WASHC4: variants seen among roughly 807,000 people sequenced by gnomAD.
WASHC4 encodes WASH complex subunit 7.
Under a neutral mutation model 166.6 loss-of-function variants are expected in WASHC4, and 86 were observed. That is an observed-to-expected ratio of 0.52 (90% CI 0.43 to 0.62). The LOEUF is 0.62. WASHC4 is among the 20% of genes least tolerant of loss of function. WASHC4 has a pLI of 0.00. For synonymous variants in WASHC4, 446 were observed against 451.6 expected, an observed-to-expected ratio of 0.99 and a Z score of 0.16; for missense variants, 1,262 against 1,382.4, an observed-to-expected ratio of 0.91 and a Z score of 1.38.
At chr12:105,122,518 C>G (rs1251220891) in intron 10 of WASHC4, among the ~76,000 whole-genome samples, 1 of 151,630 alleles carries the variant, frequency 6.6e-6, no homozygotes, top group Non-Finnish European at 1.5e-5. Flanking sequence ...TAGGTATAGG[C>G]ATATCTTGTT....
At chr12:105,120,993 A>T (rs529745814) in intron 8 of WASHC4, 108 bp from the exon 9 acceptor site, 2 of 746,340 alleles carry the variant, frequency 2.7e-6, no homozygotes, top group Non-Finnish European at 4.8e-6. Flanking sequence ...TTTACCCACT[A>T]CTTTTACTAA....
intron 30 of WASHC4, among the ~76,000 whole-genome samples, chr12:105,163,207 C>T (rs780940931): frequency 9.2e-5 from 14 of 152,296 alleles, no homozygotes; most frequent in African/African-American, 2.4e-4. Flanking sequence ...ATCTGCCCGC[C>T]GCAGCCTCCC....
chr12:105,114,160 A>G, intron 2 of WASHC4, 56 bp from the exon 3 acceptor site: 1 of 1,524,180 alleles, frequency 6.6e-7, no homozygotes, highest in Non-Finnish European at 9.0e-7. Flanking sequence ...TTGTGTTTTT[A>G]AAATTTCAGT....
At chr12:105,107,926 G>A (rs1565986470) in intron 1 of WASHC4, 65 bp downstream of exon 1, 1 of 1,246,340 alleles carries the variant, frequency 8.0e-7, no homozygotes, top group Non-Finnish European at 1.1e-6. Context: ...GTTCTGGGCT[G>A]GGCAGCGCTC....
At chr12:105,151,145 C>CAA (rs34655671) in intron 25 of WASHC4, among the ~76,000 whole-genome samples, 19 of 60,980 alleles carry the variant, frequency 3.1e-4, no homozygotes, top group Non-Finnish European at 4.6e-4. Flanking sequence ...GACTCTGTCT[C>CAA]AAAAAAAAAA....
chr12:105,124,706 C>A (rs1030874398), intron 10 of WASHC4, among the ~76,000 whole-genome samples: 18 of 152,112 alleles, frequency 1.2e-4, no homozygotes, highest in African/African-American at 4.3e-4. Context: ...GTCTCGAACT[C>A]CTGACCTCGT....
chr12:105,142,064 A>G (rs1882913490), intron 18 of WASHC4, among the ~76,000 whole-genome samples: 1 of 151,966 alleles, frequency 6.6e-6, no homozygotes, highest in Non-Finnish European at 1.5e-5. Context: ...GAGTCAGGGA[A>G]AATGGAGCAT....
At chr12:105,145,286 TTTG>T (rs1471778783) in intron 22 of WASHC4, among the ~76,000 whole-genome samples, 1 of 151,990 alleles carries the variant, frequency 6.6e-6, no homozygotes, top group African/African-American at 2.4e-5. Context: ...AAATGTGTTT[TTTG>T]TTCTTAAAAT....
rs1167666262 is a variant in WASHC4, at chr12:105,115,723, T to C, written c.430T>C (p.Leu144=). 6.3e-7 allele frequency: 1 copy of C among 1,596,576 alleles called. No homozygotes were observed. The highest frequency in any genetic ancestry group is 1.3e-5 in the African/African-American group (1 of 74,572). ...TCAAATGGGGAGATTTATTTCATTC[T>C]TACAGGTAACTGATTTTTACTTTCT... is the stretch of plus-strand genomic sequence containing the variant. ...QIQMGRFISF[L]QELSCFVTRC... Residue 144 remains leucine, a synonymous_variant, in exon 6 of 33, where the codon TTA becomes CTA. Coordinates refer to ENST00000332180, the MANE Select transcript of WASHC4 (RefSeq NM_015275.3).
Position 105,107,792 on chromosome 12 carries a change from G to A in WASHC4, c.-9G>A. ...GGTTGGGGCTGTGTCTGTGGGAGGC[G>A]CCGGGGTGATGGCGGTGGAGACTCT... is the stretch of plus-strand genomic sequence containing the variant. On this transcript the variant is annotated 5_prime_UTR_variant, in exon 1 of 33. Coordinates refer to ENST00000332180, the MANE Select transcript of WASHC4 (RefSeq NM_015275.3). The A allele has an allele frequency of 6.5e-7, 1 of 1,549,540 alleles. No individual in the cohort carries two copies. Among genetic ancestry groups the A allele is most frequent in the Non-Finnish European group, 8.7e-7 (1 of 1,145,370 alleles).
chr12:105,159,958 C>T (rs755498001), intron 28 of WASHC4, 43 bp from the exon 29 acceptor site: 16 of 1,590,456 alleles, frequency 1.0e-5, no homozygotes, highest in South Asian at 3.3e-5. Context: ...TTCAAAGCCA[C>T]GCTTCTTTTG....
intron 1 of WASHC4, 73 bp downstream of exon 1, chr12:105,107,934 C>T: frequency 8.6e-7 from 1 of 1,169,384 alleles, no homozygotes; most frequent in East Asian, 2.6e-5. Flanking sequence ...CTGGGCAGCG[C>T]TCCTGCGAGA....
At chr12:105,143,543 T>C (rs1219976814) in intron 20 of WASHC4, among the ~76,000 whole-genome samples, 1 of 152,042 alleles carries the variant, frequency 6.6e-6, no homozygotes. Flanking sequence ...TGAAAGCTGC[T>C]AATGGTCCAG....
At chr12:105,139,644 TTTC>T (rs1882646021) in intron 15 of WASHC4, among the ~76,000 whole-genome samples, 1 of 151,636 alleles carries the variant, frequency 6.6e-6, no homozygotes, top group African/African-American at 2.4e-5. Flanking sequence ...ATTAACTATG[TTTC>T]TTCTTTTGTG....
At chr12:105,154,926 G>T (rs1266420147) in intron 26 of WASHC4, among the ~76,000 whole-genome samples, 3 of 152,026 alleles carry the variant, frequency 2.0e-5, no homozygotes, top group African/African-American at 7.2e-5. Context: ...TCTCATATTG[G>T]GACAGGCCTT....
rs1376819970 is a variant in WASHC4, at chr12:105,122,237, A to G, written c.785A>G (p.Gln262Arg). The change falls in exon 10 of 33, where the codon CAG becomes CGG. Residue 262 changes from glutamine (Q) to arginine (R), a missense_variant and splice_region_variant. By Grantham distance (43) the Gln-to-Arg change is conservative. Transcript: ENST00000332180. ...CAATTACTGGATGGAATGATATTCC[A>G]GGTAAGTAGGTCTGTATCAGACTGT... ...EGQLLDGMIF[Q>R]ACIEQQFDSL... 1.9e-6 allele frequency: 3 copies of G among 1,611,942 alleles called. No homozygotes were observed. Among genetic ancestry groups the G allele is most frequent in the Non-Finnish European group, 2.5e-6 (3 of 1,179,422 alleles).
intron 14 of WASHC4, among the ~76,000 whole-genome samples, chr12:105,134,098 A>G (rs1352553071): frequency 6.6e-6 from 1 of 152,074 alleles, no homozygotes; most frequent in African/African-American, 2.4e-5. Context: ...CAACTTGACT[A>G]TTTAGCTGTA....
intron 25 of WASHC4, among the ~76,000 whole-genome samples, chr12:105,150,078 G>A (rs542136312): frequency 6.6e-6 from 1 of 152,258 alleles, no homozygotes; most frequent in South Asian, 2.1e-4. Flanking sequence ...ACAATGTAGT[G>A]TGATGGCTTT....
At chr12:105,131,381 C>T (rs1487777062) in intron 13 of WASHC4, among the ~76,000 whole-genome samples, 5 of 152,138 alleles carry the variant, frequency 3.3e-5, no homozygotes, top group East Asian at 1.9e-4. Context: ...CCACCGCGCC[C>T]GGCCTGTTTT....
Sources: gnomAD v4.1 joint callset for allele counts (sites outside exome capture counted in the v4.1 genomes callset) on GRCh38, gnomAD v4.1.1 for gene constraint, MANE v1.5 for transcripts, NCBI Gene and HGNC (gene_info 2026-07-23, HGNC 2026-07-21) for gene names.